TCERG1L: variants seen among roughly 807,000 people sequenced by gnomAD.
The protein encoded by TCERG1L is transcription elongation regulator 1 like, also known as transcription elongation regulator 1-like protein.
Under a neutral mutation model 56.3 loss-of-function variants are expected in TCERG1L, and 37 were observed. That is an observed-to-expected ratio of 0.66 (90% CI 0.51 to 0.87). The LOEUF (loss-of-function observed/expected upper bound fraction) is 0.87, where lower values mean the gene tolerates loss of function less well. Among genes scored for constraint, TCERG1L ranks in the 40% least tolerant of loss-of-function variants. The pLI is 0.00. For synonymous variants in TCERG1L, 324 were observed against 326.3 expected (o/e 0.99, Z 0.08); for missense variants, 799 against 774.2 (o/e 1.03, Z -0.38).
At chr10:131,222,508 C>T (rs1845745023) in intron 4 of TCERG1L, among the ~76,000 whole-genome samples, 2 of 152,246 alleles carry the variant, frequency 1.3e-5, no homozygotes, top group Admixed American at 6.5e-5. Context: ...AGCCGCCACA[C>T]TGGTGTGAGT....
chr10:131,291,305 T>C (rs1014132609), intron 3 of TCERG1L, among the ~76,000 whole-genome samples: 1 of 149,698 alleles, frequency 6.7e-6, no homozygotes, highest in Non-Finnish European at 1.5e-5. Flanking sequence ...TAATCCCATA[T>C]ATTTCATATA....
intron 4 of TCERG1L, among the ~76,000 whole-genome samples, chr10:131,256,378 G>C (rs1338400403): frequency 6.6e-6 from 1 of 152,142 alleles, no homozygotes; most frequent in East Asian, 1.9e-4. Context: ...TTCTGTGGCA[G>C]GACAAAATGT....
intron 7 of TCERG1L, among the ~76,000 whole-genome samples, chr10:131,143,085 C>T (rs1395807408): frequency 6.6e-6 from 1 of 152,204 alleles, no homozygotes; most frequent in African/African-American, 2.4e-5. Flanking sequence ...GCCAGTGAGG[C>T]CTCTGCTCGA....
At chr10:131,095,930 T>G (rs1276548876) in intron 11 of TCERG1L, among the ~76,000 whole-genome samples, 2 of 152,358 alleles carry the variant, frequency 1.3e-5, no homozygotes, top group East Asian at 3.9e-4. Flanking sequence ...CTTCATGATG[T>G]ATTCATGGGA....
intron 4 of TCERG1L, among the ~76,000 whole-genome samples, chr10:131,213,813 G>T (rs1009009009): frequency 6.6e-6 from 1 of 152,148 alleles, no homozygotes; most frequent in African/African-American, 2.4e-5. Flanking sequence ...CCCTGTGCTG[G>T]GCCCTGCTTC....
chr10:131,308,182 G>C (rs2133588474), intron 3 of TCERG1L, 29 bp downstream of exon 3: 1 of 1,570,242 alleles, frequency 6.4e-7, no homozygotes, highest in Non-Finnish European at 8.6e-7. Flanking sequence ...AAATGAAACA[G>C]ACATTGTCAA....
At chr10:131,152,330 T>C (rs903702394) in intron 6 of TCERG1L, among the ~76,000 whole-genome samples, 45 of 152,186 alleles carry the variant, frequency 3.0e-4, no homozygotes, top group Non-Finnish European at 6.5e-4. Context: ...CACAGATCTC[T>C]ACGGCAAGGG....
chr10:131,179,359 A>G (rs1027559616), intron 4 of TCERG1L, among the ~76,000 whole-genome samples: 1 of 152,232 alleles, frequency 6.6e-6, no homozygotes, highest in African/African-American at 2.4e-5. Context: ...AGCACCATTC[A>G]GCGGCCTTTT....
At chr10:131,256,722 A>G (rs1376120551) in intron 4 of TCERG1L, among the ~76,000 whole-genome samples, 1 of 151,856 alleles carries the variant, frequency 6.6e-6, no homozygotes, top group East Asian at 1.9e-4. Flanking sequence ...TGTCTCTACT[A>G]AAAATACAAA....
chr10:131,157,750 A>C (rs1845939112), intron 6 of TCERG1L, among the ~76,000 whole-genome samples: 1 of 152,212 alleles, frequency 6.6e-6, no homozygotes, highest in South Asian at 2.1e-4. Flanking sequence ...TCTCTAGAGG[A>C]GGACCGGATT....
At chr10:131,254,378 TCTCA>T (rs1282270259) in intron 4 of TCERG1L, among the ~76,000 whole-genome samples, 8 of 3,530 alleles carry the variant, frequency 2.3e-3, no homozygotes, top group Non-Finnish European at 3.5e-3. Context: ...AGAGATGGGG[TCTCA>T]CTATGTTGCT....
Position 131,285,498 on chromosome 10 carries a change from AAGAAAGAAAGAAAGAAAGAAAGAAAGAG to A in TCERG1L, c.670+22685_670+22712del, listed in dbSNP as rs1267367423. ...AAAGAAAGAAAGAAAGAAAGAAAGA[AAGAAAGAAAGAAAGAAAGAAAGAAAGAG>A]AGAAAGAAAAGAAAAGAAAGAAAGG... On this transcript the variant is annotated intron_variant, in intron 3 of 11. Transcript: ENST00000368642. 8.3e-3 allele frequency among the ~76,000 whole-genome samples: 213 copies of A among 25,692 alleles called. 12 individuals are homozygous for A. Among genetic ancestry groups the A allele is most frequent in the East Asian group, 0.024 (17 of 712 alleles). The allele number at this position is 25,692 out of a possible 152,430, so 16.9% of individuals were successfully genotyped here.
chr10:131,300,647 A>G (rs1279422491), intron 3 of TCERG1L, among the ~76,000 whole-genome samples: 1 of 152,160 alleles, frequency 6.6e-6, no homozygotes. Flanking sequence ...TTAACATGCT[A>G]ATCATGGTCA....
At chr10:131,162,969 A>T in intron 6 of TCERG1L, 153 bp downstream of exon 6, 3 of 556,112 alleles carry the variant, frequency 5.4e-6, no homozygotes, top group Non-Finnish European at 9.4e-6. Context: ...ATGTGACCAC[A>T]GTGCAGAATT....
At chr10:131,220,748 C>T (rs1246754339) in intron 4 of TCERG1L, among the ~76,000 whole-genome samples, 7 of 152,182 alleles carry the variant, frequency 4.6e-5, no homozygotes, top group East Asian at 3.9e-4. Context: ...CCAGCTCCTC[C>T]GCCCCTGCAA....
chr10:131,208,681 C>T (rs553867449), intron 4 of TCERG1L, among the ~76,000 whole-genome samples: 165 of 152,280 alleles, frequency 1.1e-3, no homozygotes, highest in African/African-American at 3.7e-3. Context: ...CAAAATGCTC[C>T]CAAATCAGAA....
chr10:131,230,856 A>G (rs1051930713), intron 4 of TCERG1L, among the ~76,000 whole-genome samples: 1 of 152,216 alleles, frequency 6.6e-6, no homozygotes, highest in Non-Finnish European at 1.5e-5. Context: ...GATGTGCAGT[A>G]GTCAGTCCCC....
At chr10:131,193,733 G>A (rs1276900010) in intron 4 of TCERG1L, among the ~76,000 whole-genome samples, 1 of 152,182 alleles carries the variant, frequency 6.6e-6, no homozygotes, top group Non-Finnish European at 1.5e-5. Context: ...TGCTGTTTTG[G>A]TTACTATATC....
chr10:131,184,611 C>T (rs566690331), intron 4 of TCERG1L, among the ~76,000 whole-genome samples: 18 of 152,348 alleles, frequency 1.2e-4, no homozygotes, highest in African/African-American at 1.4e-4. Flanking sequence ...GTAGAAAATG[C>T]GTCTCCAGCA....
Sources: allele counts gnomAD v4.1 joint callset (sites outside exome capture counted in the v4.1 genomes callset), GRCh38; gene constraint gnomAD v4.1.1; transcripts MANE v1.5; gene names NCBI Gene and HGNC (gene_info 2026-07-23, HGNC 2026-07-21).